Variants in AFM observed in about 807,000 individuals in gnomAD.
AFM encodes alpha-Alb.
A neutral mutation model predicts 68.7 loss-of-function variants in AFM; 82 were observed. That is an observed-to-expected ratio of 1.19 (90% CI 1.00 to 1.43). The LOEUF (loss-of-function observed/expected upper bound fraction) is 1.43. Ranked by LOEUF, AFM falls within the 40% of genes most tolerant of loss-of-function variation. The probability of loss-of-function intolerance (pLI) is 0.00; values close to 1 mark genes in which losing one functional copy is unlikely to be tolerated. For missense variants in AFM, 772 were observed against 701.8 expected (o/e 1.10, Z -1.13); for synonymous variants, 250 against 234.2 (o/e 1.07, Z -0.61).
At chr4:73,499,291 A>T (rs28624709) in intron 11 of AFM, 45 bp downstream of exon 11, 34,123 of 1,216,230 alleles carry the variant, frequency 0.028, 213 homozygotes, top group Non-Finnish European at 0.03. Flanking sequence ...TTTTTTTTTT[A>T]AAAAAAAGAA....
intron 7 of AFM, among the ~76,000 whole-genome samples, chr4:73,489,648 CA>C (rs1721011815): frequency 2.0e-5 from 3 of 152,186 alleles, no homozygotes; most frequent in Non-Finnish European, 4.4e-5. Flanking sequence ...AACATCTCCC[CA>C]ATTCCCAGCC....
chr4:73,492,615 C>T (rs1178938431), intron 8 of AFM, among the ~76,000 whole-genome samples: 1 of 146,064 alleles, frequency 6.8e-6, no homozygotes, highest in Non-Finnish European at 1.5e-5. Flanking sequence ...ACAAGTTAAC[C>T]TTTCTGTGCT....
chr4:73,503,363 G>A (rs950880980), intron 14 of AFM, among the ~76,000 whole-genome samples: 2 of 152,050 alleles, frequency 1.3e-5, no homozygotes, highest in African/African-American at 2.4e-5. Flanking sequence ...ACCAAGAGGC[G>A]CTTAAGTCCT....
Position 73,491,960 on chromosome 4 carries a change from G to T in AFM, c.932G>T (p.Gly311Val), listed in dbSNP as rs1328767078. ...TGTGAAAAGAAAATACCAGAGCGCGGCCAGTGCATAATTAACTCAAACAAA... is the reference window on the plus strand; with the variant it reads ...TGTGAAAAGAAAATACCAGAGCGCGTCCAGTGCATAATTAACTCAAACAAA... ...ECCEKKIPER[G>V]QCIINSNKDD... Residue 311 changes from glycine to valine, a missense_variant, in exon 8 of 15, where the codon GGC becomes GTC. Coordinates refer to ENST00000226355, the MANE Select transcript of AFM (RefSeq NM_001133.2). The T allele has an allele frequency of 6.2e-7, 1 of 1,613,932 alleles. No individual in the cohort carries two copies. Among genetic ancestry groups the T allele is most frequent in the African/African-American group, 1.3e-5 (1 of 75,024 alleles).
intron 3 of AFM, among the ~76,000 whole-genome samples, chr4:73,485,298 G>A (rs1016145223): frequency 6.6e-6 from 1 of 152,166 alleles, no homozygotes; most frequent in Non-Finnish European, 1.5e-5. Flanking sequence ...AAAGCCTGGT[G>A]GAAGGGAAAT....
Position 73,495,337 on chromosome 4 carries a change from T to C in AFM, c.1096T>C (p.Ser366Pro). 6.2e-7 allele frequency: 1 copy of C among 1,612,038 alleles called. No individual in the cohort carries two copies. Among genetic ancestry groups the C allele is most frequent in the South Asian group, 1.1e-5 (1 of 90,686 alleles). The change falls in exon 9 of 15, where the codon TCT becomes CCT. Residue 366 changes from serine to proline, a missense_variant. Physicochemically the swap from Ser to Pro is moderately conservative, Grantham distance 74. Transcript: ENST00000226355. ...FEYSRRHPDLSIPELLRIVQI... is the reference protein window; with the variant it reads ...FEYSRRHPDLPIPELLRIVQI... Reference sequence around the variant, plus strand: ...ATACTCAAGGAGACATCCAGACCTGTCTATACCAGAGCTTTTAAGAATTGT... The same window carrying C: ...ATACTCAAGGAGACATCCAGACCTGCCTATACCAGAGCTTTTAAGAATTGT...
Position 73,484,479 on chromosome 4 carries a change from TTTC to T in AFM, c.270+92_270+94del. 3 of 657,122 alleles carry T rather than the reference TTTC, an allele frequency of 4.6e-6. No individual in the cohort carries two copies. In the African/African-American group the frequency reaches 6.0e-5, roughly 13 times the overall value. The allele number at this position is 657,122 out of a possible 1,614,324, so 40.7% of individuals were successfully genotyped here. ...CTTTCTTTCTTTCTTTCTTTCTTTC[TTTC>T]TTTCTTTCTTTCTTTCTTTCTTTCA... On this transcript the variant is annotated intron_variant, in intron 3 of 14. Coordinates refer to ENST00000226355, the MANE Select transcript of AFM (RefSeq NM_001133.2).
intron 12 of AFM, 104 bp downstream of exon 12, chr4:73,500,331 C>A (rs1424227995): frequency 2.0e-6 from 2 of 999,012 alleles, no homozygotes; most frequent in African/African-American, 1.6e-5. Context: ...TATCACAATC[C>A]TGTTCCTTCC....
chr4:73,491,260 T>C (rs1721063534), intron 7 of AFM, among the ~76,000 whole-genome samples: 1 of 152,194 alleles, frequency 6.6e-6, no homozygotes, highest in Non-Finnish European at 1.5e-5. Flanking sequence ...AATAAAGTTG[T>C]CCATTTGAGC....
rs1339479325 is a variant in AFM, at chr4:73,487,060, T to C, written c.576T>C (p.Cys192=). Residue 192 remains cysteine, a synonymous_variant, in exon 5 of 15, where the codon TGT becomes TGC. Coordinates refer to ENST00000226355, the MANE Select transcript of AFM (RefSeq NM_001133.2). ...AVHFEEVAKS[C]CEEQNKVNCL... ...ATTTTGAGGAGGTGGCCAAATCATGTTGTGAAGAACAAAACAAAGTCAACT... is the reference window on the plus strand; with the variant it reads ...ATTTTGAGGAGGTGGCCAAATCATGCTGTGAAGAACAAAACAAAGTCAACT... 6.2e-7 allele frequency: 1 copy of C among 1,614,054 alleles called. No individual in the cohort carries two copies. Among genetic ancestry groups the C allele is most frequent in the Non-Finnish European group, 8.5e-7 (1 of 1,179,970 alleles).
intron 11 of AFM, among the ~76,000 whole-genome samples, chr4:73,499,570 G>T (rs1257191787): frequency 6.6e-6 from 1 of 152,014 alleles, no homozygotes; most frequent in Non-Finnish European, 1.5e-5. Context: ...TTTAAGTAAG[G>T]TTACAGATTC....
At chr4:73,498,366 A>G (rs1014778519) in intron 10 of AFM, among the ~76,000 whole-genome samples, 1 of 152,036 alleles carries the variant, frequency 6.6e-6, no homozygotes, top group South Asian at 2.1e-4. Context: ...GCTCACTGCA[A>G]TCTCTGCCTC....
At chr4:73,503,284 C>T (rs1183138745) in intron 14 of AFM, among the ~76,000 whole-genome samples, 174 bp downstream of exon 14, 1 of 152,108 alleles carries the variant, frequency 6.6e-6, no homozygotes, top group Non-Finnish European at 1.5e-5. Context: ...GTATCAGCCA[C>T]TCCTTATGGG....
At chr4:73,499,650 A>G (rs1439865765) in intron 11 of AFM, among the ~76,000 whole-genome samples, 1 of 152,040 alleles carries the variant, frequency 6.6e-6, no homozygotes, top group Admixed American at 6.6e-5. Flanking sequence ...TGGGGTGGAG[A>G]GTACCTTGAG....
At chr4:73,481,964 T>C in intron 1 of AFM, 101 bp downstream of exon 1, 1 of 829,306 alleles carries the variant, frequency 1.2e-6, no homozygotes, top group East Asian at 2.7e-5. Flanking sequence ...ACTTGCTTTT[T>C]TCACCCTCTC....
chr4:73,484,817 G>A (rs531665932), intron 3 of AFM, among the ~76,000 whole-genome samples: 3 of 152,102 alleles, frequency 2.0e-5, no homozygotes, highest in Non-Finnish European at 4.4e-5. Context: ...GATTGCAGGC[G>A]TGAGCCACTG....
chr4:73,485,997 C>A lies in AFM; in HGVS notation c.406C>A (p.Leu136Met). ...TAACAAGAAATCTGATGTGGGATTT[C>A]TGCCTCCTTTCCCTACCCTGGATCC... ...FYNKKSDVGF[L>M]PPFPTLDPEE... is the part of the protein sequence containing the mutation. The change falls in exon 4 of 15, where the codon CTG becomes ATG. Residue 136 changes from leucine to methionine, a missense_variant. By Grantham distance (15) the Leu-to-Met change is conservative. Transcript: ENST00000226355. The A allele has an allele frequency of 6.2e-7, 1 of 1,614,060 alleles. No homozygotes were observed. The highest frequency in any genetic ancestry group is 8.5e-7 in the Non-Finnish European group (1 of 1,179,974).
intron 1 of AFM, among the ~76,000 whole-genome samples, chr4:73,482,655 A>G (rs573549067): frequency 2.0e-5 from 3 of 152,208 alleles, no homozygotes; most frequent in South Asian, 2.1e-4. Flanking sequence ...TATCTTTTGT[A>G]TCTATATTTT....
chr4:73,486,421 A>C (rs1445979851), intron 4 of AFM, among the ~76,000 whole-genome samples: 1 of 152,210 alleles, frequency 6.6e-6, no homozygotes, highest in East Asian at 1.9e-4. Context: ...CAGACATTCA[A>C]TTACAGGATG....
Sources: allele counts gnomAD v4.1 joint callset (sites outside exome capture counted in the v4.1 genomes callset), GRCh38; gene constraint gnomAD v4.1.1; transcripts MANE v1.5; gene names NCBI Gene and HGNC (gene_info 2026-07-23, HGNC 2026-07-21).